The following ABCG1 variants were observed in gnomAD, a reference collection of about 807,000 sequenced individuals.
ABCG1 encodes ATP binding cassette subfamily G member 1.
Under a neutral mutation model 69.2 loss-of-function variants are expected in ABCG1, and 29 were observed. The observed-to-expected ratio is 0.42, with a 90% confidence interval of 0.31 to 0.57. The LOEUF (loss-of-function observed/expected upper bound fraction) is 0.57, where lower values mean the gene tolerates loss of function less well. Among genes scored for constraint, ABCG1 ranks in the 20% least tolerant of loss-of-function variants. ABCG1 has a pLI of 0.15. For missense variants in ABCG1, 718 were observed against 898.1 expected (o/e 0.80, Z 2.56); for synonymous variants, 370 against 374.8 (o/e 0.99, Z 0.15).
chr21:42,243,487 TGTGC>T (rs200653194), intron 2 of ABCG1, among the ~76,000 whole-genome samples: 2,290 of 144,292 alleles, frequency 0.016, 25 homozygotes, highest in African/African-American at 0.039. Context: ...TGTGTGTGTG[TGTGC>T]GCTGGTTTAT....
At chr21:42,231,698 G>A (rs1011941877) in intron 2 of ABCG1, among the ~76,000 whole-genome samples, 3 of 152,210 alleles carry the variant, frequency 2.0e-5, no homozygotes, top group African/African-American at 7.2e-5. Flanking sequence ...GAGGCAGCCC[G>A]GTTAAAGGCA....
intron 2 of ABCG1, among the ~76,000 whole-genome samples, chr21:42,270,259 CAAAAAAA>C (rs4006345): frequency 1.1e-5 from 1 of 87,184 alleles, no homozygotes; most frequent in South Asian, 4.1e-4. Flanking sequence ...GACTCAGTCT[CAAAAAAA>C]AAAAAAAAAA....
At chr21:42,259,371 G>A (rs2068365112) in intron 2 of ABCG1, 1 of 1,550,354 alleles carries the variant, frequency 6.5e-7, no homozygotes, top group African/African-American at 1.4e-5. Context: ...GGAGAGCTCA[G>A]TGTTTGTGAC....
intron 2 of ABCG1, among the ~76,000 whole-genome samples, chr21:42,239,059 C>T (rs1049235317): frequency 5.3e-5 from 8 of 152,148 alleles, no homozygotes; most frequent in African/African-American, 1.4e-4. Flanking sequence ...TTCTTTCTCC[C>T]GCTATTTCTT....
At position 42,225,760 on chromosome 21, in the gene ABCG1, T is replaced by C. The variant is rs907754654; in HGVS notation, c.132T>C (p.Thr44=). The part of the protein sequence containing the change: ...DEVVSSNMEA[T]ETDLLNGHLK... ...TGGTGTCCAGCAACATGGAGGCCAC[T>C]GAGACGGACCTGCTGAATGGACATC... Residue 44 remains threonine, a synonymous_variant, in exon 2 of 15, where the codon ACT becomes ACC. Coordinates refer to ENST00000398449, the MANE Select transcript of ABCG1 (RefSeq NM_016818.3). 3.1e-6 allele frequency: 5 copies of C among 1,613,968 alleles called. No homozygotes were observed. The highest frequency in any genetic ancestry group is 1.7e-5 in the Admixed American group (1 of 59,994).
At chr21:42,265,755 C>A (rs1302755480) in intron 2 of ABCG1, among the ~76,000 whole-genome samples, 1 of 152,218 alleles carries the variant, frequency 6.6e-6, no homozygotes, top group Non-Finnish European at 1.5e-5. Flanking sequence ...GTCCACTACA[C>A]CGGACTGCGA....
intron 2 of ABCG1, among the ~76,000 whole-genome samples, chr21:42,234,636 CTGCCCACTAAG>C (rs1262951173): frequency 6.6e-6 from 1 of 152,234 alleles, no homozygotes; most frequent in Non-Finnish European, 1.5e-5. Flanking sequence ...AGGCCGGGCT[CTGCCCACTAAG>C]TGTCAGCTCT....
chr21:42,296,780 CT>C lies in ABCG1; in HGVS notation c.*389del. The C allele has an allele frequency of 3.8e-6, 1 of 262,088 alleles. No homozygotes were observed. Among genetic ancestry groups the C allele is most frequent in the Non-Finnish European group, 7.5e-6 (1 of 134,226 alleles). The allele number at this position is 262,088 out of a possible 1,614,324, so 16.2% of individuals were successfully genotyped here. On this transcript the variant is annotated 3_prime_UTR_variant, in exon 15 of 15. Transcript: ENST00000398449. This position sits in a 1 kb window ranked among gnomAD's most constrained non-coding sequence, Gnocchi z 5.4. The stretch of plus-strand genomic sequence containing the variant: ...TGGGGAACTGCAAGCAGCCTCTCAG[CT>C]GATGGCTGCACAGTCAGATGTCTGG...
intron 2 of ABCG1, among the ~76,000 whole-genome samples, chr21:42,241,699 A>G (rs2123599792): frequency 6.6e-6 from 1 of 152,126 alleles, no homozygotes; most frequent in African/African-American, 2.4e-5. Flanking sequence ...TGCATTAAAA[A>G]TGCCCTGCTG....
chr21:42,261,053 C>T (rs796532387), intron 2 of ABCG1, among the ~76,000 whole-genome samples: 7 of 152,130 alleles, frequency 4.6e-5, no homozygotes, highest in Admixed American at 4.6e-4. Context: ...GATCTCCTGA[C>T]CTTGTGATCC....
At chr21:42,277,029 C>T in intron 5 of ABCG1, 84 bp downstream of exon 5, 1 of 1,462,182 alleles carries the variant, frequency 6.8e-7, no homozygotes, top group Admixed American at 1.7e-5. Context: ...GGCATTTTGG[C>T]ATTGGCTTTT....
intron 6 of ABCG1, among the ~76,000 whole-genome samples, 191 bp downstream of exon 6, chr21:42,282,610 G>C (rs2068833577): frequency 6.6e-6 from 1 of 152,226 alleles, no homozygotes; most frequent in Admixed American, 6.5e-5. Context: ...CACTCACTCT[G>C]TGCTCAGGCC....
intron 2 of ABCG1, among the ~76,000 whole-genome samples, chr21:42,230,634 T>C (rs556454954): frequency 6.6e-6 from 1 of 152,358 alleles, no homozygotes; most frequent in South Asian, 2.1e-4. Context: ...TGAGCAGATT[T>C]TATCGTAAGC....
chr21:42,293,448 T>C (rs1355918077), intron 13 of ABCG1, among the ~76,000 whole-genome samples: 1 of 86,982 alleles, frequency 1.1e-5, no homozygotes, highest in Non-Finnish European at 2.3e-5. Context: ...CACCACACAC[T>C]ACACACACAC....
chr21:42,293,369 CACACTACACACT>C (rs2069126561), intron 13 of ABCG1, among the ~76,000 whole-genome samples: 1 of 146,228 alleles, frequency 6.8e-6, no homozygotes, highest in Non-Finnish European at 1.5e-5. Context: ...ACACACACAC[CACACTACACACT>C]ACACACCACA....
intron 4 of ABCG1, among the ~76,000 whole-genome samples, chr21:42,275,557 T>A (rs182892015): frequency 5.9e-5 from 9 of 152,306 alleles, no homozygotes; most frequent in African/African-American, 2.2e-4. Flanking sequence ...GAGTTTGACT[T>A]CTCAGTAAGT....
At chr21:42,217,679 CTTTTTTTTTTTTTTT>C (rs71190409), upstream of ABCG1, among the ~76,000 whole-genome samples, 36 of 61,638 alleles carry the variant, frequency 5.8e-4, 1 homozygote, top group Admixed American at 1.9e-3. Context: ...TGGATCTACT[CTTTTTTTTTTTTTTT>C]TTTTTTTTTT....
intron 2 of ABCG1, among the ~76,000 whole-genome samples, chr21:42,252,056 C>T (rs1363073343): frequency 1.3e-5 from 2 of 152,232 alleles, no homozygotes; most frequent in African/African-American, 4.8e-5. Flanking sequence ...AACGGAACCG[C>T]TGATTCTGAA....
intron 6 of ABCG1, among the ~76,000 whole-genome samples, chr21:42,283,055 A>C (rs2068842896): frequency 6.6e-6 from 1 of 152,188 alleles, no homozygotes; most frequent in Admixed American, 6.5e-5. Flanking sequence ...TGACTCCTGC[A>C]TGTGTCCTGT....
Sources: allele counts gnomAD v4.1 joint callset (sites outside exome capture counted in the v4.1 genomes callset), GRCh38; gene constraint gnomAD v4.1.1; non-coding constraint Gnocchi (gnomAD v3.1); transcripts MANE v1.5; gene names NCBI Gene and HGNC (gene_info 2026-07-23, HGNC 2026-07-21).